The following DDX4 variants were observed in gnomAD, a reference collection of about 807,000 sequenced individuals.
DDX4 encodes DEAD-box helicase 4.
Under a neutral mutation model 100.0 loss-of-function variants are expected in DDX4, and 25 were observed. That is an observed-to-expected ratio of 0.25 (90% CI 0.18 to 0.35). The LOEUF is 0.35. DDX4 is among the 10% of genes least tolerant of loss of function. The pLI, the probability that DDX4 is intolerant of heterozygous loss-of-function variation, is 1.00. For missense variants in DDX4, 635 were observed against 882.4 expected (o/e 0.72, Z 3.55); for synonymous variants, 259 against 275.7 (o/e 0.94, Z 0.60).
In DDX4 at chr5:55,798,546, G is replaced by C. The variant is rs1700080633; in HGVS notation, c.1590G>C (p.Lys530Asn). ...LQVGQFSKREKLVEILRNIGD... is the reference protein window; with the variant it reads ...LQVGQFSKRENLVEILRNIGD... ...TTGGCCAGTTCTCAAAAAGAGAAAA[G>C]CTCGTTGAAATTCTGCGAAACATAG... The change falls in exon 18 of 22, where the codon AAG (lysine) becomes AAC (asparagine). Residue 530 changes from lysine to asparagine, a missense_variant. Lys to Asn is a moderately conservative substitution (Grantham distance 94, BLOSUM62 0). This residue lies in a region of DDX4 where 115 missense variants were observed against 224.7 expected (regional missense o/e 0.51). Coordinates refer to ENST00000505374, the MANE Select transcript of DDX4 (RefSeq NM_024415.3). 6.2e-7 allele frequency: 1 copy of C among 1,608,308 alleles called. No individual in the cohort carries two copies. Among genetic ancestry groups the C allele is most frequent in the African/African-American group, 1.3e-5 (1 of 74,752 alleles).
intron 7 of DDX4, among the ~76,000 whole-genome samples, chr5:55,778,491 C>G (rs906985847): frequency 3.6e-4 from 54 of 151,380 alleles, no homozygotes; most frequent in Non-Finnish European, 1.3e-4. Context: ...GGAGAAAACT[C>G]AAATAAAAAA....
chr5:55,773,200 C>G (rs1741357452), intron 7 of DDX4: 1 of 152,436 alleles, frequency 6.6e-6, no homozygotes, highest in East Asian at 1.9e-4. Context: ...TGGATAAGGC[C>G]AGGCAGCTCT....
intron 2 of DDX4, 52 bp from the exon 3 acceptor site, chr5:55,746,112 C>T: frequency 1.5e-6 from 2 of 1,350,686 alleles, no homozygotes; most frequent in Non-Finnish European, 2.1e-6. Context: ...AAATAAATGA[C>T]ACGTTCATAT....
intron 3 of DDX4, among the ~76,000 whole-genome samples, chr5:55,752,621 G>GT (rs1472262592): frequency 1.4e-5 from 2 of 147,724 alleles, no homozygotes; most frequent in Non-Finnish European, 3.0e-5. Context: ...CTTTGCTGTC[G>GT]TGAGTAATGC....
chr5:55,772,328 GACTGTCCCTTC>G, intron 7 of DDX4, among the ~76,000 whole-genome samples: 1 of 152,112 alleles, frequency 6.6e-6, no homozygotes. Context: ...TTACTGAAAA[GACTGTCCCTTC>G]TGCTTTGCAC....
chr5:55,766,067 T>C (rs1185865985), intron 6 of DDX4, among the ~76,000 whole-genome samples: 1 of 151,152 alleles, frequency 6.6e-6, no homozygotes, highest in East Asian at 1.9e-4. Context: ...TCTGCCTGCC[T>C]CGGCCTCCCA....
At chr5:55,785,698 C>T (rs753591895) in intron 12 of DDX4, 31 bp from the exon 13 acceptor site, 12 of 1,587,630 alleles carry the variant, frequency 7.6e-6, no homozygotes, top group Admixed American at 6.9e-5. Flanking sequence ...GTCTCTGTAA[C>T]GTACATTATG....
At chr5:55,765,411 A>ATATATATATATATATATAT (rs1285869924) in intron 6 of DDX4, among the ~76,000 whole-genome samples, 2 of 100,262 alleles carry the variant, frequency 2.0e-5, no homozygotes, top group African/African-American at 4.5e-5. Flanking sequence ...AAAAAAAAAA[A>ATATATATATATATATATAT]AAATATATAT....
intron 5 of DDX4, among the ~76,000 whole-genome samples, chr5:55,763,594 C>T (rs1740704854): frequency 6.6e-6 from 1 of 152,014 alleles, no homozygotes; most frequent in African/African-American, 2.4e-5. Flanking sequence ...ACAAGATTTT[C>T]ATGTTATTGA....
At chr5:55,767,796 A>G in intron 6 of DDX4, 85 bp from the exon 7 acceptor site, 2 of 939,692 alleles carry the variant, frequency 2.1e-6, no homozygotes, top group East Asian at 2.6e-5. Flanking sequence ...CTTCTTACTA[A>G]TTTATCTTGT....
intron 3 of DDX4, among the ~76,000 whole-genome samples, chr5:55,755,992 G>A (rs575889042): frequency 7.9e-5 from 12 of 152,208 alleles, no homozygotes; most frequent in South Asian, 2.1e-4. Context: ...ATAAAATGGC[G>A]TCATACATTG....
intron 8 of DDX4, among the ~76,000 whole-genome samples, 187 bp from the exon 9 acceptor site, chr5:55,780,879 T>A (rs771097577): frequency 3.2e-4 from 49 of 152,348 alleles, no homozygotes; most frequent in Non-Finnish European, 5.0e-4. Context: ...TAGTTTAACT[T>A]GGTTTAATAG....
At chr5:55,770,507 A>G (rs980860102) in intron 7 of DDX4, among the ~76,000 whole-genome samples, 2 of 152,232 alleles carry the variant, frequency 1.3e-5, no homozygotes, top group Non-Finnish European at 2.9e-5. Context: ...AACAAAACGT[A>G]TGAAGAATAT....
chr5:55,763,653 A>C (rs905253221), intron 5 of DDX4, among the ~76,000 whole-genome samples: 1 of 152,168 alleles, frequency 6.6e-6, no homozygotes, highest in Non-Finnish European at 1.5e-5. Flanking sequence ...TATTGTCCTT[A>C]GCAGATGAAG....
At chr5:55,751,007 ATTAC>A (rs1303612394) in intron 3 of DDX4, among the ~76,000 whole-genome samples, 1 of 152,124 alleles carries the variant, frequency 6.6e-6, no homozygotes, top group Non-Finnish European at 1.5e-5. Context: ...CAGAGTGAGA[ATTAC>A]TTTGGATAGT....
chr5:55,790,757 A>G (rs761447965), intron 16 of DDX4, 52 bp downstream of exon 16: 16 of 1,551,352 alleles, frequency 1.0e-5, no homozygotes, highest in Non-Finnish European at 1.4e-5. Context: ...TTTGTTTGGT[A>G]TGGGAAAAGG....
At chr5:55,749,081 T>G (rs1759399499) in intron 3 of DDX4, among the ~76,000 whole-genome samples, 1 of 152,232 alleles carries the variant, frequency 6.6e-6, no homozygotes, top group South Asian at 2.1e-4. Flanking sequence ...ATTATCTGAT[T>G]ATTTCCAAAA....
At chr5:55,742,015 C>T (rs1039625684) in intron 2 of DDX4, 25 of 364,190 alleles carry the variant, frequency 6.9e-5, no homozygotes, top group African/African-American at 3.4e-4. Context: ...TGTTGACATA[C>T]GCTTATATAA....
intron 10 of DDX4, among the ~76,000 whole-genome samples, chr5:55,784,213 G>T (rs1485528740): frequency 6.6e-6 from 1 of 152,066 alleles, no homozygotes; most frequent in African/African-American, 2.4e-5. Flanking sequence ...AGGGGGCGGG[G>T]GATTGCTGGT....
Sources: allele counts gnomAD v4.1 joint callset (sites outside exome capture counted in the v4.1 genomes callset), GRCh38; gene constraint gnomAD v4.1.1; regional missense constraint gnomAD v4.1.1; transcripts MANE v1.5; gene names NCBI Gene and HGNC (gene_info 2026-07-23, HGNC 2026-07-21).